Variants in LPIN1 observed in about 807,000 individuals in gnomAD.
LPIN1 encodes phosphatidate phosphatase LPIN1.
In LPIN1, 71 loss-of-function variants were observed where a neutral mutation model predicts 107.5. The ratio of observed to expected loss-of-function variants is 0.66; its 90% CI spans 0.55 to 0.80. The LOEUF is 0.80. Ranked by LOEUF, LPIN1 falls within the 30% of genes least tolerant of loss-of-function variation. The probability of loss-of-function intolerance (pLI) is 0.00; values close to 1 mark genes in which losing one functional copy is unlikely to be tolerated. For missense variants in LPIN1, 1,043 were observed against 1,160.6 expected (o/e 0.90, Z 1.47); for synonymous variants, 445 against 452.6 (o/e 0.98, Z 0.21).
intron 1 of LPIN1, among the ~76,000 whole-genome samples, chr2:11,757,252 T>C (rs560288509): frequency 3.3e-5 from 5 of 152,374 alleles, no homozygotes; most frequent in African/African-American, 1.2e-4. Flanking sequence ...GTTTTGTTTA[T>C]CGTTTGTCAC....
chr2:11,805,728 G>A (rs548370797), intron 17 of LPIN1, among the ~76,000 whole-genome samples: 10 of 152,288 alleles, frequency 6.6e-5, no homozygotes, highest in South Asian at 2.1e-4. Flanking sequence ...GGGTACATGG[G>A]TTACTTCACT....
chr2:11,715,965 A>G (rs754815009), intron 2 of LPIN1, among the ~76,000 whole-genome samples: 12 of 152,122 alleles, frequency 7.9e-5, no homozygotes, highest in Non-Finnish European at 1.3e-4. Flanking sequence ...CAGTCCTGTG[A>G]GAGTACAGCT....
At chr2:11,679,035 G>A (rs1014000222) in intron 1 of LPIN1, among the ~76,000 whole-genome samples, 1 of 152,244 alleles carries the variant, frequency 6.6e-6, no homozygotes, top group African/African-American at 2.4e-5. Flanking sequence ...GACTGAGAAT[G>A]GCACTCGCAT....
chr2:11,699,418 G>A (rs1326310514), intron 1 of LPIN1, among the ~76,000 whole-genome samples: 2 of 152,170 alleles, frequency 1.3e-5, no homozygotes, highest in East Asian at 1.9e-4. Context: ...TGATGTCAGC[G>A]GGTATGGGTA....
rs149765431 is a variant in LPIN1 at position 11,771,647 on chromosome 2, G to A, written c.564G>A (p.Ser188=). The A allele has an allele frequency of 1.0e-4, 165 of 1,599,348 alleles. No homozygotes were observed. The African/African-American group carries it at 1.4e-3, about 13-fold the overall frequency. Residue 188 remains serine (S), a synonymous_variant, in exon 4 of 21, where the codon TCG becomes TCA. Coordinates refer to ENST00000674199, the MANE Select transcript of LPIN1 (RefSeq NM_001349206.2). This position sits in a 1 kb window ranked among gnomAD's most constrained non-coding sequence, Gnocchi z 4.8. ...DEDMFPIEMS[S]DEAMELLESS... ...ACATGTTCCCCATCGAGATGAGCTCGGATGAGGCCATGGAGCTGCTGGAGA... is the reference window on the plus strand; with the variant it reads ...ACATGTTCCCCATCGAGATGAGCTCAGATGAGGCCATGGAGCTGCTGGAGA...
chr2:11,761,119 A>G (rs1338035022), intron 1 of LPIN1, among the ~76,000 whole-genome samples: 4 of 152,256 alleles, frequency 2.6e-5, no homozygotes, highest in Non-Finnish European at 4.4e-5. Context: ...GAGATAACGT[A>G]TATGAAAGAA....
intron 1 of LPIN1, among the ~76,000 whole-genome samples, chr2:11,728,541 C>T (rs1664884370): frequency 6.6e-6 from 1 of 152,084 alleles, no homozygotes; most frequent in Non-Finnish European, 1.5e-5. Flanking sequence ...CATGCCACCC[C>T]ACCCAGCTAA....
At chr2:11,683,824 T>C (rs1311440593) in intron 1 of LPIN1, among the ~76,000 whole-genome samples, 3 of 152,190 alleles carry the variant, frequency 2.0e-5, no homozygotes, top group Non-Finnish European at 4.4e-5. Flanking sequence ...GTCATCCAGG[T>C]GCCCTGGCTT....
rs143241971 is a variant in LPIN1 at position 11,806,660 on chromosome 2, A to G, written c.2249+1504A>G. 9.8e-3 allele frequency among the ~76,000 whole-genome samples: 1,497 copies of G among 152,304 alleles called. 20 individuals carry two copies. The highest frequency in any genetic ancestry group is 0.035 in the African/African-American group (1,438 of 41,548). On this transcript the variant is annotated intron_variant, in intron 17 of 20. Coordinates refer to ENST00000674199, the MANE Select transcript of LPIN1 (RefSeq NM_001349206.2). ...GTTTGACTTTACTTTTCTAGATTTC[A>G]TCTTTAAAAAATTATTAATACAAAA... is the stretch of plus-strand genomic sequence containing the variant.
At chr2:11,734,136 C>CA (rs1665549332) in intron 1 of LPIN1, among the ~76,000 whole-genome samples, 1 of 152,204 alleles carries the variant, frequency 6.6e-6, no homozygotes, top group African/African-American at 2.4e-5. Flanking sequence ...CCTTCATTCA[C>CA]ATTGCAATGT....
Position 11,783,898 on chromosome 2 carries a change from TGGC to T in LPIN1, c.1338_1340del (p.Ala447del). ...GACCTCACAGACATGGATCCTGAAG[TGGC>T]GGCCCTGTATTTTCCCAAAAAGTAA... On this transcript the variant is annotated inframe_deletion, in exon 9 of 21. Coordinates refer to ENST00000674199, the MANE Select transcript of LPIN1 (RefSeq NM_001349206.2). 6.2e-7 allele frequency: 1 copy of T among 1,614,170 alleles called. No individual in the cohort carries two copies. The highest frequency in any genetic ancestry group is 8.5e-7 in the Non-Finnish European group (1 of 1,179,986).
chr2:11,805,927 C>T (rs1416162706), intron 17 of LPIN1, among the ~76,000 whole-genome samples: 2 of 152,172 alleles, frequency 1.3e-5, no homozygotes, highest in Admixed American at 6.5e-5. Flanking sequence ...CTTGCCAGGC[C>T]CAAGCCTCTC....
In LPIN1 at chr2:11,813,726, C is replaced by A. The variant is rs545138965; in HGVS notation, c.2250-1362C>A. ...GGTCAGGAGTTCAGGACCAGCCTGG[C>A]CAACATGGTGAAACTCTGTCTCTAT... On this transcript the variant is annotated intron_variant, in intron 17 of 20. Transcript: ENST00000674199. Among the ~76,000 whole-genome samples, 3 of 151,962 alleles carry A rather than the reference C, an allele frequency of 2.0e-5. No homozygotes were observed. In the East Asian group the frequency reaches 5.8e-4, roughly 29 times the overall value.
chr2:11,708,280 G>A (rs1663226928), intron 1 of LPIN1, among the ~76,000 whole-genome samples: 1 of 152,156 alleles, frequency 6.6e-6, no homozygotes, highest in South Asian at 2.1e-4. Context: ...GGAATGCTGA[G>A]TCAGCACAGA....
At chr2:11,719,522 T>C (rs1417167839), upstream of LPIN1, among the ~76,000 whole-genome samples, 1 of 152,236 alleles carries the variant, frequency 6.6e-6, no homozygotes, top group Non-Finnish European at 1.5e-5. Flanking sequence ...ACTTTCCAAA[T>C]TTGATGAAGT....
At chr2:11,716,421 A>ACT (rs1279644785) in intron 2 of LPIN1, among the ~76,000 whole-genome samples, 1 of 149,574 alleles carries the variant, frequency 6.7e-6, no homozygotes, top group Non-Finnish European at 1.5e-5. Context: ...CCTCTCGTTC[A>ACT]CTCTCTCTCT....
In LPIN1 at chr2:11,697,634, C is replaced by A. The variant is rs781647747; in HGVS notation, c.82-16122C>A. Among the ~76,000 whole-genome samples, 5 of 152,314 alleles carry A rather than the reference C, an allele frequency of 3.3e-5. No homozygotes were observed. Among genetic ancestry groups the A allele is most frequent in the Middle Eastern group, 3.4e-3 (1 of 294 alleles). On this transcript the variant is annotated intron_variant, in intron 1 of 21. Transcript: ENST00000449576. This position sits in a 1 kb window ranked among gnomAD's most constrained non-coding sequence, Gnocchi z 4.6. ...ACCTGGCCTGGGGACAGGGAAAGGA[C>A]GCCCATTCATTGGCAGGGTGAGTGG...
At chr2:11,778,668 G>T (rs1673058542) in intron 6 of LPIN1, among the ~76,000 whole-genome samples, 1 of 152,162 alleles carries the variant, frequency 6.6e-6, no homozygotes, top group Non-Finnish European at 1.5e-5. Context: ...GAAATGATGT[G>T]GGAAAATAAG....
intron 17 of LPIN1, among the ~76,000 whole-genome samples, chr2:11,807,177 G>C (rs990690503): frequency 2.0e-5 from 3 of 152,210 alleles, no homozygotes; most frequent in Non-Finnish European, 4.4e-5. Context: ...GAGTAGAATT[G>C]CTGGGTCAAA....
Sources: gnomAD v4.1 joint callset for allele counts (sites outside exome capture counted in the v4.1 genomes callset) on GRCh38, gnomAD v4.1.1 for gene constraint, Gnocchi (gnomAD v3.1) non-coding constraint, MANE v1.5 for transcripts, NCBI Gene and HGNC (gene_info 2026-07-23, HGNC 2026-07-21) for gene names.